The following SLC28A1 variants were observed in gnomAD, a reference collection of about 807,000 sequenced individuals.
The protein encoded by SLC28A1 is sodium/nucleoside cotransporter 1.
Under a neutral mutation model 74.8 loss-of-function variants are expected in SLC28A1, and 64 were observed. The ratio of observed to expected loss-of-function variants is 0.86; its 90% CI spans 0.70 to 1.05. SLC28A1 has a LOEUF of 1.05. Ranked by LOEUF, SLC28A1 falls within the 50% of genes least tolerant of loss-of-function variation. SLC28A1 has a pLI of 0.00. For missense variants in SLC28A1, 828 were observed against 822.8 expected, an observed-to-expected ratio of 1.01 and a Z score of -0.08; for synonymous variants, 359 against 335.0, an observed-to-expected ratio of 1.07 and a Z score of -0.78.
At chr15:84,956,382 T>A in the SLC28A1 span, among the ~76,000 whole-genome samples, 3 of 152,328 alleles carry the variant, frequency 2.0e-5, no homozygotes, top group South Asian at 6.2e-4. Context: ...TTACATTTCC[T>A]ATCTTGCGCA....
the SLC28A1 span, among the ~76,000 whole-genome samples, chr15:84,957,001 T>G: frequency 1.3e-5 from 2 of 152,286 alleles, no homozygotes; most frequent in Non-Finnish European, 2.9e-5. Flanking sequence ...CCATATACCT[T>G]GTTTTTTTGT....
the SLC28A1 span, among the ~76,000 whole-genome samples, chr15:84,962,316 T>C: frequency 6.6e-6 from 1 of 151,748 alleles, no homozygotes; most frequent in South Asian, 2.1e-4. Flanking sequence ...TCAGGTGATC[T>C]TCCCTTCTCA....
At chr15:84,935,580 C>A in intron 15 of SLC28A1, 62 bp downstream of exon 15, 1 of 1,425,454 alleles carries the variant, frequency 7.0e-7, no homozygotes, top group Non-Finnish European at 9.8e-7. Flanking sequence ...CTCCTCAGGG[C>A]CCCTGGCAGC....
At chr15:84,934,954 A>C (rs929148062) in intron 13 of SLC28A1, 72 bp from the exon 14 acceptor site, 1 of 1,285,388 alleles carries the variant, frequency 7.8e-7, no homozygotes, top group African/African-American at 1.5e-5. Flanking sequence ...TTCCTATTTG[A>C]GCCTATAGGA....
intron 6 of SLC28A1, chr15:84,895,695 A>AG: frequency 7.2e-7 from 1 of 1,391,508 alleles, no homozygotes; most frequent in East Asian, 2.7e-5. Context: ...CCATTTCACC[A>AG]GGCAGCTCTA....
chr15:84,973,034 G>T, the SLC28A1 span, among the ~76,000 whole-genome samples: 5 of 150,576 alleles, frequency 3.3e-5, no homozygotes, highest in African/African-American at 5.0e-5. Flanking sequence ...AAGGACCAAA[G>T]TCCTTGTCAT....
Position 84,944,516 on chromosome 15 carries a change from C to T in SLC28A1, c.1664-50C>T, listed in dbSNP as rs17215871. On this transcript the variant is annotated intron_variant, in intron 16 of 18. Coordinates refer to ENST00000394573, the MANE Select transcript of SLC28A1 (RefSeq NM_004213.5). ...TGCAGCCCGAGCTGCGGAACGCGGG[C>T]AGAGAGGGACACAGCTTCCCAGGCC... 2.9e-5 allele frequency: 38 copies of T among 1,308,510 alleles called. No individual in the cohort carries two copies. In the African/African-American group the frequency reaches 4.8e-4, roughly 17 times the overall value. 81.1% of individuals were successfully genotyped at this position (1,308,510 alleles called of 1,614,324 possible).
At chr15:84,953,604 C>A in the SLC28A1 span, among the ~76,000 whole-genome samples, 2 of 152,148 alleles carry the variant, frequency 1.3e-5, no homozygotes, top group Admixed American at 6.5e-5. Flanking sequence ...GTGACAAGCA[C>A]CTGCAGTCCT....
At position 84,945,262 on chromosome 15, in the gene SLC28A1, C is replaced by G; in HGVS notation, c.*62C>G. ...CTGTTCTCCCCCGGGAACCATCTGT[C>G]CCCACCTTCCCTTTCCCAGAGCCCT... On this transcript the variant is annotated 3_prime_UTR_variant, in exon 19 of 19. Transcript: ENST00000394573. The G allele has an allele frequency of 1.4e-6, 2 of 1,472,954 alleles. No homozygotes were observed. Among genetic ancestry groups the G allele is most frequent in the Non-Finnish European group, 1.9e-6 (2 of 1,052,756 alleles). The allele number at this position is 1,472,954 out of a possible 1,614,324, so 91.2% of individuals were successfully genotyped here.
intron 15 of SLC28A1, among the ~76,000 whole-genome samples, chr15:84,938,780 CT>C (rs1972286446): frequency 3.3e-5 from 5 of 152,168 alleles, no homozygotes; most frequent in Middle Eastern, 3.4e-3. Context: ...CAGGGTCTTC[CT>C]TGGCTGGACT....
At chr15:84,969,432 G>A in the SLC28A1 span, among the ~76,000 whole-genome samples, 1 of 152,228 alleles carries the variant, frequency 6.6e-6, no homozygotes, top group African/African-American at 2.4e-5. Context: ...TTCTGGATCA[G>A]CTGCAGCTGG....
intron 5 of SLC28A1, among the ~76,000 whole-genome samples, chr15:84,893,570 C>CA (rs35484554): frequency 0.44 from 67,207 of 151,868 alleles, 15,328 homozygotes; most frequent in South Asian, 0.65. Context: ...TGGGGGTCAC[C>CA]GGGGGGGCTT....
the SLC28A1 span, among the ~76,000 whole-genome samples, chr15:84,972,387 G>T: frequency 6.6e-6 from 1 of 152,216 alleles, no homozygotes; most frequent in Non-Finnish European, 1.5e-5. Context: ...CCTCCCTGGT[G>T]TAAGACCTAG....
chr15:84,886,414 T>C (rs764022569), intron 1 of SLC28A1: 65 of 985,214 alleles, frequency 6.6e-5, no homozygotes, highest in Non-Finnish European at 7.7e-5. Flanking sequence ...ATAGGTGGCT[T>C]CCTGGAAGAA....
Position 84,887,800 on chromosome 15 carries a change from C to T in SLC28A1, c.40C>T (p.Leu14Phe). The T allele has an allele frequency of 1.9e-6, 3 of 1,614,190 alleles. No homozygotes were observed. The highest frequency in any genetic ancestry group is 1.3e-5 in the African/African-American group (1 of 75,064). Residue 14 changes from leucine (L) to phenylalanine (F), a missense_variant, in exon 3 of 19, where the codon CTC becomes TTC. Coordinates refer to ENST00000394573, the MANE Select transcript of SLC28A1 (RefSeq NM_004213.5). ...DPSRRRESIS[L>F]TPVAKGLENM... ...CTCGAGACGAAGAGAGTCCATCTCT[C>T]TCACACCTGTGGCCAAGGGTCTGGA...
At chr15:84,929,848 C>G (rs1293808262) in intron 12 of SLC28A1, among the ~76,000 whole-genome samples, 1 of 152,162 alleles carries the variant, frequency 6.6e-6, no homozygotes, top group East Asian at 1.9e-4. Context: ...GGTGACAGAG[C>G]GAGACCCTTT....
intron 7 of SLC28A1, 77 bp from the exon 8 acceptor site, chr15:84,905,462 C>T (rs1400509010): frequency 2.0e-6 from 2 of 1,012,200 alleles, no homozygotes; most frequent in East Asian, 2.4e-5. Context: ...GGCAATGCCC[C>T]CTGCTCTCAC....
chr15:84,928,527 G>GTTCGTTCT lies in SLC28A1; in HGVS notation c.1083+4420_1083+4421insGTTCTTTC, dbSNP rs1477267970. Reference sequence around the variant, plus strand: ...TTCCTTCAAGCTCCCAGGTTCGTTCGTTCTTTCTTTCTTTCTTTCTTTCTT... The same window carrying GTTCGTTCT: ...TTCCTTCAAGCTCCCAGGTTCGTTCGTTCGTTCTTTCTTTCTTTCTTTCTTTCTTTCTT... On this transcript the variant is annotated intron_variant, in intron 12 of 18. Transcript: ENST00000394573. 1.1e-3 allele frequency among the ~76,000 whole-genome samples: 52 copies of GTTCGTTCT among 47,232 alleles called. 1 individual carries two copies. Among genetic ancestry groups the GTTCGTTCT allele is most frequent in the Admixed American group, 2.0e-3 (9 of 4,500 alleles). The allele number at this position is 47,232 out of a possible 152,430, so 31.0% of individuals were successfully genotyped here. A position where few individuals can be genotyped will look rare whatever the true frequency, so the allele number is the denominator to read the frequency against.
chr15:84,943,362 A>T, intron 15 of SLC28A1, 83 bp from the exon 16 acceptor site: 2 of 955,220 alleles, frequency 2.1e-6, no homozygotes, highest in Non-Finnish European at 3.4e-6. Flanking sequence ...GGGTAAAATT[A>T]AGGCCAGGGA....
Sources: allele counts gnomAD v4.1 joint callset (sites outside exome capture counted in the v4.1 genomes callset), GRCh38; gene constraint gnomAD v4.1.1; transcripts MANE v1.5; gene names NCBI Gene and HGNC (gene_info 2026-07-23, HGNC 2026-07-21).